The following SNX29 variants were observed in gnomAD, a reference collection of about 807,000 sequenced individuals.
The protein encoded by SNX29 is sorting nexin-29.
Under a neutral mutation model 102.1 loss-of-function variants are expected in SNX29, and 78 were observed. The observed-to-expected ratio is 0.76, with a 90% CI of 0.64 to 0.92. The LOEUF is 0.92. Among genes scored for constraint, SNX29 ranks in the 40% least tolerant of loss-of-function variants. SNX29 has a pLI of 0.00. For missense variants in SNX29, 1,280 were observed against 1,061.7 expected, an observed-to-expected ratio of 1.21 and a Z score of -2.86; for synonymous variants, 580 against 414.5, an observed-to-expected ratio of 1.40 and a Z score of -4.85.
intron 16 of SNX29, among the ~76,000 whole-genome samples, chr16:12,394,189 C>CAG (rs2083638103): frequency 6.6e-6 from 1 of 152,210 alleles, no homozygotes; most frequent in African/African-American, 2.4e-5. Flanking sequence ...TATATGTCTA[C>CAG]TCTGGAGCTA....
In SNX29 at chr16:12,422,908, G is replaced by A. The variant is rs117532693; in HGVS notation, c.2037+19379G>A. Among the ~76,000 whole-genome samples the A allele has an allele frequency of 9.0e-3, 1,368 of 152,244 alleles. 6 individuals are homozygous for A. The highest frequency in any genetic ancestry group is 0.014 in the Non-Finnish European group (965 of 68,010). ...TGTACGGAGATAGGCTTTAAAGGTT[G>A]GACTGGAAATGCATTTCTGTATCTG... On this transcript the variant is annotated intron_variant, in intron 18 of 20. Transcript: ENST00000566228.
chr16:12,451,441 C>A (rs548158059), intron 18 of SNX29, among the ~76,000 whole-genome samples: 1 of 152,234 alleles, frequency 6.6e-6, no homozygotes, highest in African/African-American at 2.4e-5. Context: ...TTTAATGATC[C>A]GGTGGCTGCC....
chr16:12,555,643 G>A (rs796470282), intron 20 of SNX29, among the ~76,000 whole-genome samples: 61 of 152,100 alleles, frequency 4.0e-4, no homozygotes, highest in African/African-American at 1.4e-3. Context: ...TAACCCCACT[G>A]ATGCCAGACC....
chr16:12,571,208 T>C lies in SNX29; in HGVS notation c.*2579T>C, dbSNP rs1267814296. The C allele has an allele frequency of 4.3e-6, 1 of 232,334 alleles. No homozygotes were observed. The highest frequency in any genetic ancestry group is 8.5e-6 in the Non-Finnish European group (1 of 117,454). 14.4% of individuals were successfully genotyped at this position (232,334 alleles called of 1,614,324 possible). A position where few individuals can be genotyped will look rare whatever the true frequency, so the allele number is the denominator to read the frequency against. ...GGATGAACTTCAGGCAACAAACAACTGGCAGGGTTCCCAGTTCCTGGAGTT... is the reference window on the plus strand; with the variant it reads ...GGATGAACTTCAGGCAACAAACAACCGGCAGGGTTCCCAGTTCCTGGAGTT... On this transcript the variant is annotated 3_prime_UTR_variant, in exon 21 of 21. Transcript: ENST00000566228.
At chr16:12,255,737 T>TGAA (rs1338071264) in intron 14 of SNX29, among the ~76,000 whole-genome samples, 38 of 152,370 alleles carry the variant, frequency 2.5e-4, no homozygotes, top group African/African-American at 7.5e-4. Context: ...TGAGTAGCTT[T>TGAA]CCATTGTGTA....
intron 10 of SNX29, 122 bp from the exon 11 acceptor site, chr16:12,078,711 G>A: frequency 1.3e-6 from 1 of 797,892 alleles, no homozygotes; most frequent in South Asian, 1.5e-5. Context: ...AATTTCCAAT[G>A]ACTGCCTCTA....
chr16:12,456,258 CAATA>C (rs2086532726), intron 18 of SNX29, among the ~76,000 whole-genome samples: 1 of 152,146 alleles, frequency 6.6e-6, no homozygotes, highest in African/African-American at 2.4e-5. Flanking sequence ...AGCAAGCCAT[CAATA>C]AATAAAGTCT....
intron 20 of SNX29, among the ~76,000 whole-genome samples, chr16:12,559,349 C>T (rs1181987448): frequency 6.6e-6 from 1 of 151,792 alleles, no homozygotes; most frequent in Non-Finnish European, 1.5e-5. Flanking sequence ...CTGCATGCTA[C>T]TTACGAGAAT....
chr16:12,424,658 C>G (rs1567549213), intron 18 of SNX29, among the ~76,000 whole-genome samples: 1 of 152,162 alleles, frequency 6.6e-6, no homozygotes, highest in Non-Finnish European at 1.5e-5. Context: ...AAGCAGGAAT[C>G]AGGCTATTAT....
At chr16:11,997,238 C>T (rs1217044632) in intron 1 of SNX29, among the ~76,000 whole-genome samples, 2 of 152,198 alleles carry the variant, frequency 1.3e-5, no homozygotes, top group Admixed American at 6.5e-5. Context: ...CAAGCTTGTC[C>T]TACCTCCGAG....
chr16:12,469,021 A>G (rs368389689), intron 18 of SNX29, among the ~76,000 whole-genome samples: 24 of 152,294 alleles, frequency 1.6e-4, no homozygotes, highest in African/African-American at 5.8e-4. Context: ...TCCGAGACAC[A>G]GGGGCTGCTC....
At chr16:12,253,766 CTG>C (rs1567360604) in intron 14 of SNX29, among the ~76,000 whole-genome samples, 1 of 152,116 alleles carries the variant, frequency 6.6e-6, no homozygotes, top group Non-Finnish European at 1.5e-5. Flanking sequence ...CACTGGAGGA[CTG>C]TGAGCAAAGG....
At position 12,387,481 on chromosome 16, in the gene SNX29, A is replaced by G. The variant is rs147647611; in HGVS notation, c.1900-10965A>G. ...ACGATGGCTCAGGTCAGAGCTGGCT[A>G]CACTCCCCTTGCCATTTGTTATCTT... On this transcript the variant is annotated intron_variant, in intron 16 of 20. Transcript: ENST00000566228. Among the ~76,000 whole-genome samples, 592 of 150,344 alleles carry G rather than the reference A, an allele frequency of 3.9e-3. 3 individuals carry two copies. Among genetic ancestry groups the G allele is most frequent in the African/African-American group, 0.014 (566 of 41,040 alleles).
intron 2 of SNX29, among the ~76,000 whole-genome samples, chr16:12,001,018 C>T (rs1337173182): frequency 2.6e-5 from 4 of 152,168 alleles, no homozygotes; most frequent in Admixed American, 6.6e-5. Flanking sequence ...TCTTTCTCTG[C>T]TGCAGAAATG....
chr16:12,042,438 A>G (rs1421703092), intron 4 of SNX29, among the ~76,000 whole-genome samples: 4 of 152,196 alleles, frequency 2.6e-5, no homozygotes, highest in Non-Finnish European at 5.9e-5. Flanking sequence ...GGCAGTGAAC[A>G]TAGTACCTGG....
chr16:12,177,651 T>A (rs2076290572), intron 13 of SNX29, among the ~76,000 whole-genome samples: 1 of 152,254 alleles, frequency 6.6e-6, no homozygotes, highest in Non-Finnish European at 1.5e-5. Context: ...TCTCTTACAA[T>A]TCACCCACCC....
intron 18 of SNX29, among the ~76,000 whole-genome samples, chr16:12,438,771 G>C (rs1360175197): frequency 6.6e-6 from 1 of 152,218 alleles, no homozygotes; most frequent in East Asian, 1.9e-4. Context: ...TTTGAACTGA[G>C]ATCTGATGAC....
intron 13 of SNX29, among the ~76,000 whole-genome samples, chr16:12,131,238 T>C (rs984686414): frequency 2.0e-5 from 3 of 152,260 alleles, no homozygotes; most frequent in Non-Finnish European, 4.4e-5. Context: ...ACCATTTCTC[T>C]AATTAAGAGT....
At chr16:12,201,747 T>C (rs2141979560) in intron 14 of SNX29, among the ~76,000 whole-genome samples, 1 of 152,332 alleles carries the variant, frequency 6.6e-6, no homozygotes, top group Non-Finnish European at 1.5e-5. Context: ...CCACCACCTT[T>C]TGTGAAATCT....
Sources: gnomAD v4.1 joint callset for allele counts (sites outside exome capture counted in the v4.1 genomes callset) on GRCh38, gnomAD v4.1.1 for gene constraint, MANE v1.5 for transcripts, NCBI Gene and HGNC (gene_info 2026-07-23, HGNC 2026-07-21) for gene names.